CADM2: variants seen among roughly 807,000 people sequenced by gnomAD.
The protein encoded by CADM2 is immunoglobulin superfamily member 4D.
A neutral mutation model predicts 49.8 loss-of-function variants in CADM2; 12 were observed. The observed-to-expected ratio is 0.24, with a 90% CI of 0.15 to 0.39. The LOEUF (loss-of-function observed/expected upper bound fraction) is 0.39, where lower values mean the gene tolerates loss of function less well. Ranked by LOEUF, CADM2 falls within the 10% of genes least tolerant of loss-of-function variation. The pLI is 1.00. For synonymous variants in CADM2, 214 were observed against 175.4 expected (o/e 1.22, Z -1.74); for missense variants, 378 against 492.3 (o/e 0.77, Z 2.20).
intron 1 of CADM2, among the ~76,000 whole-genome samples, chr3:85,564,535 C>A (rs1254239522): frequency 4.6e-5 from 7 of 151,956 alleles, no homozygotes; most frequent in Admixed American, 4.6e-4. Context: ...CTAATAAAAT[C>A]TCTCTTTTAC....
chr3:84,991,968 A>T (rs2032916432), intron 1 of CADM2, among the ~76,000 whole-genome samples: 1 of 152,198 alleles, frequency 6.6e-6, no homozygotes, highest in African/African-American at 2.4e-5. Context: ...GACAGTAAAA[A>T]GTTCCCTGGT....
chr3:85,647,143 A>C (rs758986116), intron 1 of CADM2, among the ~76,000 whole-genome samples: 1 of 151,802 alleles, frequency 6.6e-6, no homozygotes, highest in Non-Finnish European at 1.5e-5. Context: ...AATTCCCAAA[A>C]CACTGCCCTT....
chr3:85,891,687 G>A (rs1389667711), intron 5 of CADM2, among the ~76,000 whole-genome samples: 2 of 152,200 alleles, frequency 1.3e-5, no homozygotes, highest in Non-Finnish European at 2.9e-5. Context: ...CGGGTGCCAT[G>A]TGGCAAAGAA....
intron 8 of CADM2, among the ~76,000 whole-genome samples, chr3:86,008,149 T>C (rs1377526096): frequency 6.6e-6 from 1 of 152,152 alleles, no homozygotes; most frequent in Non-Finnish European, 1.5e-5. Flanking sequence ...AGTTGAGGGT[T>C]ATTCTAAAGG....
chr3:85,607,731 A>G (rs907456633), intron 1 of CADM2, among the ~76,000 whole-genome samples: 16 of 151,560 alleles, frequency 1.1e-4, no homozygotes, highest in African/African-American at 3.6e-4. Flanking sequence ...ATCTCAGCTC[A>G]CTGCAGCCTC....
intron 1 of CADM2, among the ~76,000 whole-genome samples, chr3:85,070,866 G>C (rs1251621817): frequency 6.6e-6 from 1 of 151,920 alleles, no homozygotes; most frequent in Non-Finnish European, 1.5e-5. Flanking sequence ...GTGCACACTT[G>C]TAGTCTCAGC....
intron 1 of CADM2, among the ~76,000 whole-genome samples, chr3:85,357,386 CCTAA>C (rs1195023135): frequency 6.6e-6 from 1 of 152,102 alleles, no homozygotes; most frequent in Non-Finnish European, 1.5e-5. Flanking sequence ...GATTCTTCCA[CCTAA>C]CTTTTACCAA....
intron 8 of CADM2, among the ~76,000 whole-genome samples, chr3:86,036,506 T>G (rs1382623773): frequency 6.6e-6 from 1 of 152,132 alleles, no homozygotes; most frequent in Admixed American, 6.6e-5. Flanking sequence ...GGAAAATCAT[T>G]TCTTTTCCTA....
intron 1 of CADM2, among the ~76,000 whole-genome samples, chr3:85,151,569 A>G (rs529903074): frequency 3.4e-4 from 52 of 152,208 alleles, no homozygotes; most frequent in Non-Finnish European, 6.3e-4. Context: ...GCCGATTAAA[A>G]TCAACCTTCA....
At chr3:85,803,992 T>C (rs2072239349) in intron 3 of CADM2, among the ~76,000 whole-genome samples, 1 of 152,084 alleles carries the variant, frequency 6.6e-6, no homozygotes, top group African/African-American at 2.4e-5. Flanking sequence ...TAGAAAGAGA[T>C]TTAATTTGCA....
intron 1 of CADM2, among the ~76,000 whole-genome samples, chr3:85,193,185 G>T (rs576922312): frequency 6.6e-6 from 1 of 152,182 alleles, no homozygotes; most frequent in East Asian, 1.9e-4. Context: ...TTTTCTGAAA[G>T]ATTCATAGGA....
intron 7 of CADM2, among the ~76,000 whole-genome samples, chr3:85,943,929 C>T (rs1722301783): frequency 6.6e-6 from 1 of 151,918 alleles, no homozygotes; most frequent in South Asian, 2.1e-4. Context: ...ACAATATTAA[C>T]CTTAAATGCA....
rs149162715 is a variant in CADM2, at chr3:85,187,656, T to C, written c.61+227988T>C. ...AGAGATTATTTTCTTGCATGAGTAA[T>C]ATCAAAATTTAAAGTATAATTATTG... On this transcript the variant is annotated intron_variant, in intron 1 of 9. Transcript: ENST00000383699. Among the ~76,000 whole-genome samples the C allele has an allele frequency of 1.2e-4, 18 of 152,212 alleles. No individual in the cohort carries two copies. In the East Asian group the frequency reaches 3.5e-3, roughly 29 times the overall value.
intron 1 of CADM2, among the ~76,000 whole-genome samples, chr3:85,207,682 A>G (rs925452298): frequency 5.3e-5 from 8 of 152,196 alleles, no homozygotes; most frequent in African/African-American, 1.2e-4. Flanking sequence ...AAAACGAAAT[A>G]AAGACATTTA....
intron 1 of CADM2, among the ~76,000 whole-genome samples, chr3:85,641,762 TAAAAATACAA>T (rs2064721634): frequency 8.1e-6 from 1 of 123,236 alleles, no homozygotes; most frequent in Non-Finnish European, 1.8e-5. Flanking sequence ...CCGTCTTTAC[TAAAAATACAA>T]AAAAAAAAAA....
At chr3:86,018,461 C>T (rs1462314914) in intron 8 of CADM2, among the ~76,000 whole-genome samples, 2 of 151,902 alleles carry the variant, frequency 1.3e-5, no homozygotes, top group African/African-American at 4.8e-5. Flanking sequence ...ACACTGACTT[C>T]CACAATGGTT....
At chr3:85,248,297 C>A (rs2096560071) in intron 1 of CADM2, among the ~76,000 whole-genome samples, 1 of 151,868 alleles carries the variant, frequency 6.6e-6, no homozygotes, top group Non-Finnish European at 1.5e-5. Flanking sequence ...TTTTTTGAGA[C>A]AGAGTCTCGC....
At chr3:85,973,364 C>A (rs776306206) in intron 8 of CADM2, among the ~76,000 whole-genome samples, 2 of 151,812 alleles carry the variant, frequency 1.3e-5, no homozygotes, top group South Asian at 4.1e-4. Context: ...GGCAACATAG[C>A]AAGACCCCAT....
At chr3:85,318,433 C>T (rs1334470842) in intron 1 of CADM2, among the ~76,000 whole-genome samples, 5 of 151,928 alleles carry the variant, frequency 3.3e-5, no homozygotes, top group African/African-American at 7.2e-5. Context: ...AGGCACACTT[C>T]GTCCTAAACA....
Sources: gnomAD v4.1 joint callset for allele counts (sites outside exome capture counted in the v4.1 genomes callset) on GRCh38, gnomAD v4.1.1 for gene constraint, MANE v1.5 for transcripts, NCBI Gene and HGNC (gene_info 2026-07-23, HGNC 2026-07-21) for gene names.